MYH7B: variants seen among roughly 807,000 people sequenced by gnomAD.
MYH7B encodes myosin-7B.
A neutral mutation model predicts 234.5 loss-of-function variants in MYH7B; 205 were observed. The observed-to-expected ratio is 0.87, with a 90% CI of 0.78 to 0.98. MYH7B has a LOEUF of 0.98. Ranked by LOEUF, MYH7B falls within the 50% of genes least tolerant of loss-of-function variation. The pLI, the probability that MYH7B is intolerant of heterozygous loss-of-function variation, is 0.00. For missense variants in MYH7B, 2,652 were observed against 2,633.4 expected (o/e 1.01, Z -0.15); for synonymous variants, 1,193 against 1,105.0 (o/e 1.08, Z -1.58).
rs375029593 is a variant in MYH7B, at chr20:34,982,573, G to C, written c.624+18G>C. The C allele has an allele frequency of 2.6e-6, 4 of 1,547,336 alleles. No homozygotes were observed. In the African/African-American group the frequency reaches 5.6e-5, roughly 21 times the overall value. ...AGAAGGCCGTAAGACTTGCCCACTC[G>C]GGCATGCTCCCCGTTGCTTCTCGCT... is the stretch of plus-strand genomic sequence containing the variant. On this transcript the variant is annotated intron_variant, in intron 10 of 44. Coordinates refer to ENST00000262873, the Ensembl canonical transcript of MYH7B.
At chr20:34,995,471 C>G (rs367589646) in exon 28 of MYH7B, 3 of 1,613,904 alleles carry the variant, frequency 1.9e-6, no homozygotes, top group Admixed American at 1.7e-5. Context: ...CCTGGCCGCC[C>G]GCCGGCGCAA....
At chr20:34,985,869 G>A (rs538916839) in intron 13 of MYH7B, among the ~76,000 whole-genome samples, 23 of 152,006 alleles carry the variant, frequency 1.5e-4, no homozygotes, top group Non-Finnish European at 2.6e-4. Context: ...CCACACACAC[G>A]CAAGGACACA....
chr20:35,001,353 G>T lies in MYH7B; in HGVS notation c.5580+4G>T. On this transcript the variant is annotated splice_donor_region_variant and intron_variant, in intron 42 of 44. Coordinates refer to ENST00000262873, the Ensembl canonical transcript of MYH7B. ...TGTCAAGGAGCTCGCATACCAGGTG[G>T]GCGACAGGGTCTCCCTGGGGAGTGG... 9 of 1,605,614 alleles carry T rather than the reference G, an allele frequency of 5.6e-6. No individual in the cohort carries two copies. The highest frequency in any genetic ancestry group is 7.6e-6 in the Non-Finnish European group (9 of 1,176,476).
At chr20:34,962,777 G>A (rs934690168) in intron 2 of MYH7B, among the ~76,000 whole-genome samples, 6 of 152,146 alleles carry the variant, frequency 3.9e-5, no homozygotes, top group Non-Finnish European at 8.8e-5. Context: ...ACAAGCGAGA[G>A]CCACCACACT....
At chr20:34,989,827 C>T (rs2082106607) in exon 20 of MYH7B, 2 of 1,614,204 alleles carry the variant, frequency 1.2e-6, no homozygotes, top group East Asian at 2.2e-5. Context: ...CTACGACAAC[C>T]ACGCGGGGAA....
At chr20:34,988,317 G>A (rs2082072017) in intron 19 of MYH7B, 55 bp downstream of exon 19, 4 of 1,565,072 alleles carry the variant, frequency 2.6e-6, no homozygotes, top group Non-Finnish European at 3.5e-6. Flanking sequence ...TGGTGAGCAA[G>A]CAGGGATGGA....
chr20:34,962,978 G>T (rs754158538), intron 2 of MYH7B, among the ~76,000 whole-genome samples: 9 of 152,194 alleles, frequency 5.9e-5, no homozygotes, highest in Admixed American at 1.3e-4. Flanking sequence ...CACACCTGTA[G>T]TCCCAGCTAT....
chr20:35,002,346 T>A, exon 45 of MYH7B: 1 of 791,412 alleles, frequency 1.3e-6, no homozygotes, highest in East Asian at 2.9e-5. Context: ...CTCATTCTTT[T>A]CTTTGGGGTT....
chr20:34,969,287 A>G (rs1395988463), intron 2 of MYH7B, among the ~76,000 whole-genome samples: 2 of 152,164 alleles, frequency 1.3e-5, no homozygotes, highest in Admixed American at 6.5e-5. Context: ...ATCATGCTGG[A>G]AGTGACCCTT....
At chr20:34,979,968 G>A in intron 7 of MYH7B, 164 bp downstream of exon 7, 4 of 673,632 alleles carry the variant, frequency 5.9e-6, no homozygotes, top group Non-Finnish European at 9.6e-6. Context: ...GGCTGTGAGC[G>A]ATGAGGCGGG....
intron 19 of MYH7B, among the ~76,000 whole-genome samples, chr20:34,988,959 G>A (rs1003635255): frequency 4.6e-5 from 7 of 151,984 alleles, no homozygotes; most frequent in East Asian, 1.9e-4. Context: ...ACAGGCATGC[G>A]CCACCACACC....
rs775321315 is a variant in MYH7B at position 34,994,322 on chromosome 20, A to T, written c.2621A>T (p.Glu874Val). Residue 874 changes from glutamate to valine, a missense_variant, in exon 27 of 45, where the codon GAG (glutamate) becomes GTG (valine). Glu to Val is a moderately radical substitution (Grantham distance 121). Coordinates refer to ENST00000262873, the Ensembl canonical transcript of MYH7B. ...TTGCGAGGGGCGCTGGCTGCGGCCG[A>T]GGCCAAGCGCCAGGAACTGGAGGAG... The T allele has an allele frequency of 1.1e-5, 17 of 1,609,586 alleles. No homozygotes were observed. In the Admixed American group the frequency reaches 2.7e-4, roughly 25 times the overall value.
At chr20:34,987,903 G>C (rs202169408) in exon 18 of MYH7B, 1 of 1,599,694 alleles carries the variant, frequency 6.3e-7, no homozygotes, top group Non-Finnish European at 8.5e-7. Context: ...CGCTGGGTTT[G>C]AGATCTTTGA....
intron 14 of MYH7B, 62 bp from the exon 15 acceptor site, chr20:34,986,824 G>A (rs2082033243): frequency 7.1e-7 from 1 of 1,404,348 alleles, no homozygotes; most frequent in South Asian, 1.2e-5. Context: ...TGCTGCAATT[G>A]TTGTGGGGAG....
chr20:34,986,901 C>G (rs755571724), exon 15 of MYH7B: 7 of 1,614,042 alleles, frequency 4.3e-6, no homozygotes, highest in Non-Finnish European at 5.9e-6. Flanking sequence ...CTGCTTCTGT[C>G]TATGAACCCC....
At chr20:34,974,765 A>G (rs2081830721) in intron 2 of MYH7B, among the ~76,000 whole-genome samples, 1 of 152,218 alleles carries the variant, frequency 6.6e-6, no homozygotes, top group Admixed American at 6.5e-5. Flanking sequence ...CTCTGATGCC[A>G]TAGGAGATTA....
rs779550783 is a variant in MYH7B, at chr20:34,998,739, C to T, written c.4014C>T (p.His1338=). Residue 1338 remains histidine (H), a synonymous_variant, in exon 35 of 45, where the codon CAC becomes CAT. Coordinates refer to ENST00000262873, the Ensembl canonical transcript of MYH7B. Reference sequence around the variant, plus strand: ...TGCAGGCCAAGAGTGCCCTGGCCCACGCCGTGCAGGCTCTGCGGCACGACT... The same window carrying T: ...TGCAGGCCAAGAGTGCCCTGGCCCATGCCGTGCAGGCTCTGCGGCACGACT... 1.5e-5 allele frequency: 24 copies of T among 1,611,786 alleles called. No individual in the cohort carries two copies. The Admixed American group carries it at 2.2e-4, about 15-fold the overall frequency.
chr20:34,979,107 T>G (rs1354514392), intron 5 of MYH7B, among the ~76,000 whole-genome samples: 1 of 152,090 alleles, frequency 6.6e-6, no homozygotes, highest in Admixed American at 6.5e-5. Context: ...CCAGAGAGAA[T>G]CAGGGATTTT....
At chr20:34,999,248 G>A in exon 36 of MYH7B, 4 of 1,606,916 alleles carry the variant, frequency 2.5e-6, no homozygotes, top group East Asian at 2.2e-5. Flanking sequence ...GGGCACTGGA[G>A]GAACGGCGGC....
Sources: allele counts gnomAD v4.1 joint callset (sites outside exome capture counted in the v4.1 genomes callset), GRCh38; gene constraint gnomAD v4.1.1; transcripts MANE v1.5; gene names NCBI Gene and HGNC (gene_info 2026-07-23, HGNC 2026-07-21).